Variants in LOXHD1 observed in about 807,000 individuals in gnomAD.
The protein encoded by LOXHD1 is lipoxygenase homology PLAT domains 1.
Under a neutral mutation model 248.2 loss-of-function variants are expected in LOXHD1, and 205 were observed. That is an observed-to-expected ratio of 0.83 (90% confidence interval 0.74 to 0.93). The LOEUF (loss-of-function observed/expected upper bound fraction) is 0.93, where lower values mean the gene tolerates loss of function less well. Among genes scored for constraint, LOXHD1 ranks in the 40% least tolerant of loss-of-function variants. LOXHD1 has a pLI of 0.00. For missense variants in LOXHD1, 2,930 were observed against 2,971.6 expected (o/e 0.99, Z 0.33); for synonymous variants, 1,113 against 1,162.8 (o/e 0.96, Z 0.87).
chr18:46,534,256 G>T (rs917097271), intron 27 of LOXHD1, 79 bp downstream of exon 27: 1 of 920,696 alleles, frequency 1.1e-6, no homozygotes, highest in Non-Finnish European at 1.7e-6. Context: ...TAGCCAGTAG[G>T]TCCTCACAGG....
chr18:46,591,943 C>A lies in LOXHD1; in HGVS notation c.1644G>T (p.Arg548Ser), dbSNP rs2038177045. ...CCTGTCAGTACTTACTGCCCATGAT[C>A]CTGCGCACTGTTGGGCCTTCTGCAG... is the stretch of plus-strand genomic sequence containing the variant. ...EMTAEGPTVR[R>S]IMGMARYHVT... Residue 548 changes from arginine (R) to serine (S), a missense_variant, in exon 12 of 41, where the codon AGG becomes AGT. Arg to Ser is a moderately radical substitution (Grantham distance 110). Coordinates refer to ENST00000642948, the MANE Select transcript of LOXHD1 (RefSeq NM_001384474.1). 11 of 1,551,722 alleles carry A rather than the reference C, an allele frequency of 7.1e-6. No homozygotes were observed. In the Admixed American group the frequency reaches 7.8e-5, roughly 11 times the overall value.
intron 7 of LOXHD1, among the ~76,000 whole-genome samples, chr18:46,602,945 T>A (rs751478141): frequency 1.3e-5 from 2 of 152,160 alleles, no homozygotes; most frequent in Non-Finnish European, 2.9e-5. Context: ...ACATATTCAG[T>A]ATATATTAAT....
At chr18:46,620,883 C>G (rs531492751) in intron 4 of LOXHD1, among the ~76,000 whole-genome samples, 1 of 152,186 alleles carries the variant, frequency 6.6e-6, no homozygotes, top group East Asian at 1.9e-4. Flanking sequence ...GCAGCACGAA[C>G]GCACACGGGA....
At chr18:46,520,513 G>T (rs567369705) in intron 33 of LOXHD1, 1 of 337,788 alleles carries the variant, frequency 3.0e-6, no homozygotes, top group Non-Finnish European at 5.8e-6. Flanking sequence ...TGACCTGTGC[G>T]TTTATATAAT....
At chr18:46,572,761 G>A (rs187531917) in intron 14 of LOXHD1, among the ~76,000 whole-genome samples, 7 of 152,162 alleles carry the variant, frequency 4.6e-5, no homozygotes, top group African/African-American at 1.4e-4. Flanking sequence ...CCAGGCTGTC[G>A]GCAGCCTGCT....
chr18:46,629,532 T>C (rs779704564), intron 4 of LOXHD1, among the ~76,000 whole-genome samples: 2 of 152,106 alleles, frequency 1.3e-5, no homozygotes, highest in Non-Finnish European at 2.9e-5. Context: ...ACCATCCCTT[T>C]CTTATCCCAT....
intron 37 of LOXHD1, 75 bp downstream of exon 37, chr18:46,505,763 C>T: frequency 6.8e-7 from 1 of 1,479,368 alleles, no homozygotes; most frequent in South Asian, 1.2e-5. Flanking sequence ...CAATGTGCTG[C>T]CAGGGAGGGA....
intron 37 of LOXHD1, among the ~76,000 whole-genome samples, chr18:46,503,680 T>A (rs1439597178): frequency 3.9e-5 from 6 of 152,224 alleles, no homozygotes; most frequent in African/African-American, 1.4e-4. Flanking sequence ...GAGCATGATT[T>A]GCGAGTATGT....
intron 33 of LOXHD1, among the ~76,000 whole-genome samples, chr18:46,519,568 C>T (rs943598712): frequency 2.0e-5 from 3 of 152,144 alleles, no homozygotes; most frequent in Non-Finnish European, 4.4e-5. Context: ...TTAGGCCACC[C>T]AACAAGGGCA....
intron 4 of LOXHD1, among the ~76,000 whole-genome samples, chr18:46,632,798 TAGAGTG>T (rs1240421347): frequency 6.6e-6 from 1 of 152,178 alleles, no homozygotes; most frequent in Non-Finnish European, 1.5e-5. Context: ...CGCCCACTCT[TAGAGTG>T]AGACAAGCCT....
chr18:46,557,417 C>T lies in LOXHD1; in HGVS notation c.3289G>A (p.Gly1097Ser). ...TKIRIRHDNT[G>S]NRAGWFLDRI... ...TCCAGGAACCAGCCTGCTCTGTTGC[C>T]TGTGTTGTCGTGGCGAATCCGAATC... Residue 1097 changes from glycine (G) to serine (S), a missense_variant, in exon 21 of 41, where the codon GGC (glycine) becomes AGC (serine). Physicochemically the swap from Gly to Ser is moderately conservative, Grantham distance 56 (BLOSUM62 0). Coordinates refer to ENST00000642948, the MANE Select transcript of LOXHD1 (RefSeq NM_001384474.1). The T allele has an allele frequency of 8.4e-6, 13 of 1,552,306 alleles. No individual in the cohort carries two copies. The highest frequency in any genetic ancestry group is 1.1e-5 in the Non-Finnish European group (13 of 1,147,124).
rs1383952183 is a variant in LOXHD1, at chr18:46,616,892, T to C, written c.610+1300A>G. On this transcript the variant is annotated intron_variant, in intron 5 of 40. Coordinates refer to ENST00000642948, the MANE Select transcript of LOXHD1 (RefSeq NM_001384474.1). ...TCTGTTTCCTTTTAAAATATTTCCC[T>C]TTGCCTTTAGTTTCACCACAATGTA... Among the ~76,000 whole-genome samples, 4 of 152,236 alleles carry C rather than the reference T, an allele frequency of 2.6e-5. No homozygotes were observed. In the East Asian group the frequency reaches 7.7e-4, roughly 29 times the overall value.
At chr18:46,533,455 A>G in intron 27 of LOXHD1, 131 bp from the exon 28 acceptor site, 1 of 902,358 alleles carries the variant, frequency 1.1e-6, no homozygotes, top group Non-Finnish European at 1.6e-6. Flanking sequence ...TAAAAGCCAC[A>G]GGAGAGCCCC....
chr18:46,644,322 T>C (rs2039000382), intron 2 of LOXHD1, among the ~76,000 whole-genome samples: 1 of 152,212 alleles, frequency 6.6e-6, no homozygotes, highest in Non-Finnish European at 1.5e-5. Flanking sequence ...GGAAAGCAGC[T>C]GGCTTTCTGG....
intron 28 of LOXHD1, among the ~76,000 whole-genome samples, chr18:46,532,401 G>A (rs2036110954): frequency 6.6e-6 from 1 of 152,228 alleles, no homozygotes; most frequent in African/African-American, 2.4e-5. Flanking sequence ...GCGTGTGTGT[G>A]TGTCTGTATG....
At chr18:46,570,423 C>A (rs1377373212) in intron 15 of LOXHD1, among the ~76,000 whole-genome samples, 1 of 152,198 alleles carries the variant, frequency 6.6e-6, no homozygotes, top group Non-Finnish European at 1.5e-5. Context: ...CTCACTGACA[C>A]CGTAGGGTCC....
In LOXHD1 at chr18:46,604,093, T is replaced by C. The variant is rs1292243476; in HGVS notation, c.883+13A>G. The C allele has an allele frequency of 1.9e-6, 3 of 1,551,654 alleles. No homozygotes were observed. In the East Asian group the frequency reaches 7.3e-5, roughly 38 times the overall value. On this transcript the variant is annotated intron_variant, in intron 7 of 40. Transcript: ENST00000642948. ...GAAATACCCAAAAGAGCCTCCCCTT[T>C]CTTCAAATCTACCTGTGGTCTCAGC...
intron 29 of LOXHD1, among the ~76,000 whole-genome samples, chr18:46,528,233 A>G (rs2035908811): frequency 6.6e-6 from 1 of 151,716 alleles, no homozygotes; most frequent in Non-Finnish European, 1.5e-5. Flanking sequence ...CCTTAACCTG[A>G]TCTCCCTGTG....
At chr18:46,545,641 T>TTTTTTTTTTTTTATTTTTTTTTTA (rs1568166544) in intron 22 of LOXHD1, among the ~76,000 whole-genome samples, 9 of 131,324 alleles carry the variant, frequency 6.9e-5, no homozygotes, top group African/African-American at 2.6e-4. Context: ...TTTTTTTTTT[T>TTTTTTTTTTTTTATTTTTTTTTTA]TTTTTTGAGA....
Sources: gnomAD v4.1 joint callset for allele counts (sites outside exome capture counted in the v4.1 genomes callset) on GRCh38, gnomAD v4.1.1 for gene constraint, MANE v1.5 for transcripts, NCBI Gene and HGNC (gene_info 2026-07-23, HGNC 2026-07-21) for gene names.